Variants in BPTF observed in about 807,000 individuals in gnomAD.
BPTF encodes the protein nucleosome-remodeling factor subunit BPTF.
In BPTF, 18 loss-of-function variants were observed where a neutral mutation model predicts 292.5. The observed-to-expected ratio is 0.06, with a 90% CI of 0.04 to 0.09. BPTF has a LOEUF of 0.09. Ranked by LOEUF, BPTF falls within the 10% of genes least tolerant of loss-of-function variation. The pLI, the probability that BPTF is intolerant of heterozygous loss-of-function variation, is 1.00. For synonymous variants in BPTF, 1,225 were observed against 1,251.9 expected (o/e 0.98, Z 0.45); for missense variants, 2,726 against 3,498.7 (o/e 0.78, Z 5.57).
intron 1 of BPTF, among the ~76,000 whole-genome samples, chr17:67,827,845 T>C (rs2056238986): frequency 6.6e-6 from 1 of 151,944 alleles, no homozygotes; most frequent in Non-Finnish European, 1.5e-5. Flanking sequence ...GTCTGGTGAA[T>C]GAAGGGAATG....
In BPTF at chr17:67,825,526, A is replaced by G; in HGVS notation, c.-199A>G. ...CCAGTCACCGAGCGAGAGGGAAGAA[A>G]CAAGATGGCGGCTGAAGGCGATCCG... On this transcript the variant is annotated 5_prime_UTR_variant, in exon 1 of 28. Coordinates refer to ENST00000306378, the MANE Select transcript of BPTF (RefSeq NM_182641.4). 2.4e-6 allele frequency: 1 copy of G among 423,334 alleles called. No individual in the cohort carries two copies. Among genetic ancestry groups the G allele is most frequent in the South Asian group, 1.7e-5 (1 of 59,936 alleles). 26.2% of individuals were successfully genotyped at this position (423,334 alleles called of 1,614,324 possible). A position where few individuals can be genotyped will look rare whatever the true frequency, so the allele number is the denominator to read the frequency against.
At chr17:67,833,574 T>A (rs1479572494) in intron 1 of BPTF, among the ~76,000 whole-genome samples, 1 of 151,864 alleles carries the variant, frequency 6.6e-6, no homozygotes, top group African/African-American at 2.4e-5. Context: ...TTAATTTCTT[T>A]CTTTTTTTTT....
At chr17:67,878,890 G>A (rs2060209132) in intron 4 of BPTF, among the ~76,000 whole-genome samples, 1 of 152,052 alleles carries the variant, frequency 6.6e-6, no homozygotes, top group Non-Finnish European at 1.5e-5. Context: ...TCATGTTCCT[G>A]GGGGTAAATA....
rs1451575424 is a variant in BPTF at position 67,903,851 on chromosome 17, A to G, written c.2606A>G (p.Lys869Arg). Reference protein sequence around the residue: ...EKEKVKKKEKKQEEEETMQQA... With the variant: ...EKEKVKKKEKRQEEEETMQQA... ...GAGAAAGTCAAAAAAAAAGAGAAGA[A>G]ACAGGAAGAAGAAGAAACGATGCAG... is the stretch of plus-strand genomic sequence containing the variant. Residue 869 changes from lysine to arginine, a missense_variant, in exon 8 of 28, where the codon AAA becomes AGA. Lys to Arg is a conservative substitution (Grantham distance 26). Coordinates refer to ENST00000306378, the MANE Select transcript of BPTF (RefSeq NM_182641.4). The G allele has an allele frequency of 6.3e-7, 1 of 1,595,524 alleles. No individual in the cohort carries two copies. Among genetic ancestry groups the G allele is most frequent in the East Asian group, 2.2e-5 (1 of 44,452 alleles).
chr17:67,911,734 G>A lies in BPTF; in HGVS notation c.3850G>A (p.Glu1284Lys). 1 of 1,614,146 alleles carries A rather than the reference G, an allele frequency of 6.2e-7. No individual in the cohort carries two copies. The highest frequency in any genetic ancestry group is 1.1e-5 in the South Asian group (1 of 91,058). The part of the protein sequence containing the change: ...DFEGKLGCDS[E>K]SNSTLENSSD... ...TGAAGGAAAACTGGGATGTGACTCT[G>A]AATCTAATAGCACTTTGGAAAATAG... Residue 1284 changes from glutamate to lysine, a missense_variant, in exon 11 of 28, where the codon GAA becomes AAA. Around this residue, in one of 22 missense-constraint regions of BPTF, gnomAD observed 713 missense variants for 714.9 expected, o/e 1.00. Coordinates refer to ENST00000306378, the MANE Select transcript of BPTF (RefSeq NM_182641.4).
intron 5 of BPTF, among the ~76,000 whole-genome samples, chr17:67,892,410 C>G (rs1438429728): frequency 6.6e-6 from 1 of 152,202 alleles, no homozygotes; most frequent in Non-Finnish European, 1.5e-5. Flanking sequence ...TAGCTATGAT[C>G]ACTTCAGGTG....
intron 1 of BPTF, among the ~76,000 whole-genome samples, chr17:67,847,616 A>G (rs1254889215): frequency 6.6e-6 from 1 of 150,552 alleles, no homozygotes; most frequent in Non-Finnish European, 1.5e-5. Context: ...CAGAGCTTGC[A>G]GTGAGCCTAG....
chr17:67,827,293 T>C (rs1385347290), intron 1 of BPTF, among the ~76,000 whole-genome samples: 1 of 152,208 alleles, frequency 6.6e-6, no homozygotes, highest in Non-Finnish European at 1.5e-5. Context: ...CTTTTCACTC[T>C]ATTTCTGAGG....
chr17:67,926,056 G>A (rs1381940541), intron 15 of BPTF, among the ~76,000 whole-genome samples: 1 of 120,874 alleles, frequency 8.3e-6, no homozygotes, highest in Non-Finnish European at 1.6e-5. Context: ...CCAGGCTGCT[G>A]GAGTGCAGTG....
intron 23 of BPTF, among the ~76,000 whole-genome samples, chr17:67,950,114 T>G (rs1222437926): frequency 8.6e-6 from 1 of 116,350 alleles, no homozygotes; most frequent in African/African-American, 3.4e-5. Flanking sequence ...AGGTGAGAAA[T>G]AGACCAGGCA....
At position 67,912,365 on chromosome 17, in the gene BPTF, A is replaced by G. The variant is rs201618328; in HGVS notation, c.4481A>G (p.Glu1494Gly). 1.2e-6 allele frequency: 2 copies of G among 1,614,210 alleles called. No homozygotes were observed. The highest frequency in any genetic ancestry group is 4.5e-5 in the East Asian group (2 of 44,882). The change falls in exon 11 of 28, where the codon GAA (glutamate) becomes GGA (glycine). Residue 1494 changes from glutamate (E) to glycine (G), a missense_variant. By Grantham distance (98) the Glu-to-Gly change is moderately conservative. Transcript: ENST00000306378. ...CATTTGCTGAGTTCTTCAGATGCTG[A>G]AGGTAACTACCGAGATAGCCTTGAG... ...KSHLLSSSDA[E>G]GNYRDSLETL...
At chr17:67,889,266 C>A (rs990429922) in intron 4 of BPTF, among the ~76,000 whole-genome samples, 1 of 152,156 alleles carries the variant, frequency 6.6e-6, no homozygotes, top group African/African-American at 2.4e-5. Context: ...TTAAGTCTTA[C>A]CCCTGTGGTA....
At chr17:67,964,972 C>A (rs1227917890) in intron 25 of BPTF, 1 of 112,302 alleles carries the variant, frequency 8.9e-6, no homozygotes, top group Non-Finnish European at 1.6e-5. Context: ...GCACTCCAAC[C>A]TGGGCGAGAG....
Position 67,832,512 on chromosome 17 carries a change from C to G in BPTF, c.613+6175C>G, listed in dbSNP as rs2056779785. On this transcript the variant is annotated intron_variant, in intron 1 of 27. Transcript: ENST00000306378. ...TCTGAATTGCTGAATGATTTTCAAG[C>G]AATATTTATGAAAATTCAGTTTTTA... Among the ~76,000 whole-genome samples the G allele has an allele frequency of 1.3e-5, 2 of 151,904 alleles. 1 individual carries two copies. Among genetic ancestry groups the G allele is most frequent in the South Asian group, 4.1e-4 (2 of 4,820 alleles).
chr17:67,974,891 C>T (rs1186941148), intron 26 of BPTF: 3 of 151,852 alleles, frequency 2.0e-5, no homozygotes, highest in African/African-American at 7.3e-5. Flanking sequence ...TGAGTGATTA[C>T]ATCATTGGCC....
intron 5 of BPTF, among the ~76,000 whole-genome samples, chr17:67,892,415 C>T (rs1341725037): frequency 6.6e-6 from 1 of 152,190 alleles, no homozygotes; most frequent in African/African-American, 2.4e-5. Context: ...ATGATCACTT[C>T]AGGTGAACCT....
intron 1 of BPTF, among the ~76,000 whole-genome samples, chr17:67,833,018 C>T (rs1356327219): frequency 2.7e-5 from 4 of 150,748 alleles, no homozygotes; most frequent in Non-Finnish European, 4.4e-5. Flanking sequence ...AGGCCGGTCT[C>T]GAACTCCTGA....
At chr17:67,894,316 A>G (rs2061307534) in intron 7 of BPTF, 151 bp downstream of exon 7, 2 of 747,596 alleles carry the variant, frequency 2.7e-6, no homozygotes, top group Middle Eastern at 5.5e-4. Context: ...GTAAACATGA[A>G]TGAATATTAT....
At chr17:67,967,378 G>T (rs2068234661) in intron 26 of BPTF, among the ~76,000 whole-genome samples, 2 of 151,434 alleles carry the variant, frequency 1.3e-5, no homozygotes, top group Admixed American at 6.6e-5. Flanking sequence ...CTGACCTTGT[G>T]ATCCGCTCCC....
Sources: gnomAD v4.1 joint callset for allele counts (sites outside exome capture counted in the v4.1 genomes callset) on GRCh38, gnomAD v4.1.1 for gene constraint, gnomAD v4.1.1 regional missense constraint, MANE v1.5 for transcripts, NCBI Gene and HGNC (gene_info 2026-07-23, HGNC 2026-07-21) for gene names.